PALM2AKAP2: variants seen among roughly 807,000 people sequenced by gnomAD.
PALM2AKAP2 encodes PALM2 and AKAP2 fusion, also known as PALM2-AKAP2 fusion protein.
Under a neutral mutation model 71.5 loss-of-function variants are expected in PALM2AKAP2, and 37 were observed. That is an observed-to-expected ratio of 0.52 (90% CI 0.40 to 0.68). The LOEUF (loss-of-function observed/expected upper bound fraction) is 0.68. Among genes scored for constraint, PALM2AKAP2 ranks in the 30% least tolerant of loss-of-function variants. The pLI is 0.00. For missense variants in PALM2AKAP2, 1,224 were observed against 1,191.8 expected, an observed-to-expected ratio of 1.03 and a Z score of -0.40; for synonymous variants, 468 against 478.8, an observed-to-expected ratio of 0.98 and a Z score of 0.29.
intron 3 of PALM2AKAP2, among the ~76,000 whole-genome samples, chr9:109,919,563 GAGGAGAGGGTGCCT>G (rs1830776060): frequency 6.6e-6 from 1 of 152,080 alleles, no homozygotes; most frequent in Non-Finnish European, 1.5e-5. Flanking sequence ...TTAGGGAAGG[GAGGAGAGGGTGCCT>G]TATGTTCTTT....
chr9:110,111,957 T>C (rs531776984), intron 1 of PALM2AKAP2, among the ~76,000 whole-genome samples: 139 of 152,212 alleles, frequency 9.1e-4, no homozygotes, highest in African/African-American at 3.2e-3. Flanking sequence ...GCCCTGCATG[T>C]TGGGGAGGGG....
chr9:109,670,809 A>G (rs1827561168), intron 1 of PALM2AKAP2, among the ~76,000 whole-genome samples: 1 of 152,176 alleles, frequency 6.6e-6, no homozygotes, highest in African/African-American at 2.4e-5. Flanking sequence ...AATAATAGCC[A>G]TTCTGAATGG....
At chr9:109,832,295 A>G (rs1828323712) in intron 1 of PALM2AKAP2, among the ~76,000 whole-genome samples, 1 of 152,232 alleles carries the variant, frequency 6.6e-6, no homozygotes. Context: ...GTGTAAACAT[A>G]GCTGAGATAT....
At chr9:110,017,751 C>T (rs572522567) in intron 7 of PALM2AKAP2, among the ~76,000 whole-genome samples, 15 of 146,442 alleles carry the variant, frequency 1.0e-4, no homozygotes, top group East Asian at 2.0e-4. Flanking sequence ...TTTTTTAAGA[C>T]GGAGTCTTGC....
In PALM2AKAP2 at chr9:109,752,834, C is replaced by T. The variant is rs541206156; in HGVS notation, c.6-27654C>T. On this transcript the variant is annotated intron_variant, in intron 1 of 6. Coordinates refer to the PALM2AKAP2 transcript ENST00000374531. ...CACCTAGAGGCAAGAGACCAGTAGCCGGGCAATCTTGTTCATCCAGTTGAG... is the reference window on the plus strand; with the variant it reads ...CACCTAGAGGCAAGAGACCAGTAGCTGGGCAATCTTGTTCATCCAGTTGAG... 7.2e-5 allele frequency among the ~76,000 whole-genome samples: 11 copies of T among 152,178 alleles called. No individual in the cohort carries two copies. The South Asian group carries it at 1.5e-3, about 20-fold the overall frequency.
exon 2 of PALM2AKAP2, chr9:110,137,310 C>T (rs1046808237): frequency 1.2e-5 from 19 of 1,614,200 alleles, no homozygotes; most frequent in Non-Finnish European, 1.4e-5. Flanking sequence ...TTCTACAGGC[C>T]TCTGGGGTCA....
chr9:110,032,575 C>A (rs1588068549), intron 7 of PALM2AKAP2, among the ~76,000 whole-genome samples: 1 of 151,812 alleles, frequency 6.6e-6, no homozygotes, highest in East Asian at 1.9e-4. Flanking sequence ...CCTGTAGTCC[C>A]AGCCACTCGG....
intron 1 of PALM2AKAP2, among the ~76,000 whole-genome samples, chr9:109,720,746 A>T (rs966701020): frequency 1.3e-5 from 2 of 152,242 alleles, no homozygotes; most frequent in Admixed American, 1.3e-4. Flanking sequence ...TTGTGTAAGG[A>T]TATACACAAA....
chr9:110,156,535 C>T (rs61170397), intron 3 of PALM2AKAP2, 38 bp downstream of exon 9: 51,218 of 1,557,518 alleles, frequency 0.033, 1,412 homozygotes, highest in South Asian at 0.11. Context: ...CTTCTCTGAG[C>T]GCGGCCATCG....
intron 2 of PALM2AKAP2, 89 bp downstream of exon 8, chr9:110,138,628 C>G: frequency 1.4e-6 from 2 of 1,450,888 alleles, no homozygotes; most frequent in Non-Finnish European, 1.8e-6. Context: ...GGAGCCTCCT[C>G]TGTGTGTGTC....
At chr9:109,651,204 A>G (rs1402212335) in intron 1 of PALM2AKAP2, among the ~76,000 whole-genome samples, 2 of 152,144 alleles carry the variant, frequency 1.3e-5, no homozygotes, top group Non-Finnish European at 2.9e-5. Flanking sequence ...CATGGATGAG[A>G]GAAAATTGAG....
chr9:109,958,391 G>A (rs532925968), intron 6 of PALM2AKAP2, among the ~76,000 whole-genome samples: 1 of 152,282 alleles, frequency 6.6e-6, no homozygotes. Context: ...ATTCTTGAGT[G>A]TAAAGGGACC....
intron 6 of PALM2AKAP2, among the ~76,000 whole-genome samples, chr9:110,001,496 G>A (rs1464108782): frequency 6.6e-6 from 1 of 152,186 alleles, no homozygotes; most frequent in Non-Finnish European, 1.5e-5. Flanking sequence ...TGGCAATGCA[G>A]GCTCTTTTTT....
upstream of PALM2AKAP2, among the ~76,000 whole-genome samples, chr9:110,044,734 A>G (rs919819920): frequency 6.6e-5 from 10 of 150,686 alleles, no homozygotes; most frequent in Non-Finnish European, 3.0e-5. Flanking sequence ...CTTGTGAATT[A>G]CTCCCAGCTG....
At chr9:109,987,671 T>C (rs1832406992) in intron 6 of PALM2AKAP2, among the ~76,000 whole-genome samples, 1 of 152,188 alleles carries the variant, frequency 6.6e-6, no homozygotes, top group Admixed American at 6.5e-5. Context: ...AGAATTCCTG[T>C]GGTAGGGCTG....
At chr9:110,158,318 G>C (rs2119232052) in intron 3 of PALM2AKAP2, among the ~76,000 whole-genome samples, 1 of 152,362 alleles carries the variant, frequency 6.6e-6, no homozygotes, top group African/African-American at 2.4e-5. Flanking sequence ...AGTTTTGGTA[G>C]AATTTAGCCA....
intron 1 of PALM2AKAP2, among the ~76,000 whole-genome samples, chr9:109,814,330 G>A (rs1827799813): frequency 6.6e-6 from 1 of 152,198 alleles, no homozygotes; most frequent in African/African-American, 2.4e-5. Context: ...AAGTGTCAAT[G>A]ATATAGTTTT....
At chr9:110,075,301 A>T (rs922031791) in intron 1 of PALM2AKAP2, among the ~76,000 whole-genome samples, 34 of 152,208 alleles carry the variant, frequency 2.2e-4, no homozygotes, top group African/African-American at 8.0e-4. Context: ...TAGGGTTTAG[A>T]TGCCTTATCT....
intron 7 of PALM2AKAP2, among the ~76,000 whole-genome samples, chr9:110,018,005 C>T (rs972034706): frequency 6.6e-6 from 1 of 151,600 alleles, no homozygotes. Flanking sequence ...GGATTACAGG[C>T]GTGAGTCACC....
Sources: gnomAD v4.1 joint callset for allele counts (sites outside exome capture counted in the v4.1 genomes callset) on GRCh38, gnomAD v4.1.1 for gene constraint, MANE v1.5 for transcripts, NCBI Gene and HGNC (gene_info 2026-07-23, HGNC 2026-07-21) for gene names.